The following PHIP variants were observed in gnomAD, a reference collection of about 807,000 sequenced individuals.
The protein encoded by PHIP is PH-interacting protein.
Under a neutral mutation model 236.8 loss-of-function variants are expected in PHIP, and 54 were observed. The ratio of observed to expected loss-of-function variants is 0.23; its 90% CI spans 0.18 to 0.29. PHIP has a LOEUF of 0.29. PHIP is among the 10% of genes least tolerant of loss of function. PHIP has a pLI of 1.00. For synonymous variants in PHIP, 756 were observed against 718.9 expected (o/e 1.05, Z -0.83); for missense variants, 1,370 against 2,190.8 (o/e 0.63, Z 7.48).
At chr6:79,018,940 A>G (rs1394737279) in intron 10 of PHIP, 149 bp downstream of exon 10, 4 of 555,180 alleles carry the variant, frequency 7.2e-6, no homozygotes, top group Non-Finnish European at 1.3e-5. Context: ...TTAGTTTATA[A>G]TAATTCTCAG....
chr6:79,041,263 T>A lies in PHIP; in HGVS notation c.600+1580A>T, dbSNP rs572774947. Among the ~76,000 whole-genome samples the A allele has an allele frequency of 1.6e-4, 24 of 152,260 alleles. No homozygotes were observed. In the South Asian group the frequency reaches 2.1e-3, roughly 13 times the overall value. On this transcript the variant is annotated intron_variant, in intron 7 of 39. Transcript: ENST00000275034. ...GTTTGAGACGCAGGCAGCAGCATGC[T>A]GAACCCTGGTTCAAAAAGCTCTTCC...
At chr6:79,047,021 ACGT>A (rs796228453) in intron 6 of PHIP, among the ~76,000 whole-genome samples, 42 of 152,340 alleles carry the variant, frequency 2.8e-4, no homozygotes, top group African/African-American at 9.1e-4. Flanking sequence ...TAAGGGGAGA[ACGT>A]ATTCACTTAA....
At chr6:79,018,250 T>C (rs1268257862) in intron 10 of PHIP, among the ~76,000 whole-genome samples, 1 of 151,960 alleles carries the variant, frequency 6.6e-6, no homozygotes, top group African/African-American at 2.4e-5. Context: ...TCTGGATGCA[T>C]GTATGATGCC....
intron 6 of PHIP, among the ~76,000 whole-genome samples, chr6:79,058,525 A>G (rs1055063130): frequency 6.6e-6 from 1 of 152,126 alleles, no homozygotes; most frequent in African/African-American, 2.4e-5. Context: ...CTGGGAATAA[A>G]GCATAGCATA....
chr6:79,028,829 G>C (rs1465392531), intron 7 of PHIP, among the ~76,000 whole-genome samples: 3 of 152,156 alleles, frequency 2.0e-5, no homozygotes, highest in Non-Finnish European at 4.4e-5. Flanking sequence ...TTGAATAAGA[G>C]TGTGTTTTAC....
At chr6:79,040,517 G>A (rs1186097822) in intron 7 of PHIP, among the ~76,000 whole-genome samples, 2 of 152,070 alleles carry the variant, frequency 1.3e-5, no homozygotes, top group African/African-American at 4.8e-5. Context: ...ATAACAGTAT[G>A]TTCTCTCACA....
At chr6:78,943,989 TTAAAA>T (rs1461135193) in intron 39 of PHIP, among the ~76,000 whole-genome samples, 1 of 46,822 alleles carries the variant, frequency 2.1e-5, no homozygotes, top group Non-Finnish European at 4.1e-5. Context: ...CTGTCTTTTT[TTAAAA>T]AAAAAAAAAA....
At chr6:78,959,183 A>G (rs1766607523) in intron 31 of PHIP, among the ~76,000 whole-genome samples, 1 of 152,152 alleles carries the variant, frequency 6.6e-6, no homozygotes, top group African/African-American at 2.4e-5. Context: ...GAGTTTTACA[A>G]TTTTATTTCT....
chr6:79,046,138 G>T (rs113258317), intron 6 of PHIP, among the ~76,000 whole-genome samples: 1 of 151,994 alleles, frequency 6.6e-6, no homozygotes, highest in Non-Finnish European at 1.5e-5. Context: ...GCTACTTCTC[G>T]CCTTGACCTG....
chr6:79,039,829 T>G (rs542550106), intron 7 of PHIP, among the ~76,000 whole-genome samples: 1 of 152,174 alleles, frequency 6.6e-6, no homozygotes, highest in African/African-American at 2.4e-5. Flanking sequence ...GTAAAAAACA[T>G]TAAAAGGCTA....
chr6:78,968,954 T>C (rs1767338104), intron 27 of PHIP, among the ~76,000 whole-genome samples: 1 of 152,228 alleles, frequency 6.6e-6, no homozygotes, highest in African/African-American at 2.4e-5. Flanking sequence ...CTGAGGCTTC[T>C]ACTGAATATT....
At chr6:78,941,910 GCAAT>G (rs1773521134) in intron 39 of PHIP, among the ~76,000 whole-genome samples, 1 of 152,042 alleles carries the variant, frequency 6.6e-6, no homozygotes, top group Admixed American at 6.6e-5. Context: ...AGAAAATCTG[GCAAT>G]CAAATTCTAA....
At chr6:78,971,800 C>A (rs923267098) in intron 24 of PHIP, among the ~76,000 whole-genome samples, 9 of 152,142 alleles carry the variant, frequency 5.9e-5, no homozygotes, top group African/African-American at 1.2e-4. Context: ...CACTCCCACC[C>A]GAATACTGCG....
intron 6 of PHIP, among the ~76,000 whole-genome samples, chr6:79,048,603 G>A (rs1772620855): frequency 6.6e-6 from 1 of 151,828 alleles, no homozygotes; most frequent in Non-Finnish European, 1.5e-5. Context: ...AATTAACCAT[G>A]GTTAAAAAAG....
intron 15 of PHIP, among the ~76,000 whole-genome samples, chr6:79,014,835 C>CCAAAGTATGTGGA (rs1770764006): frequency 6.6e-6 from 1 of 151,700 alleles, no homozygotes. Context: ...TCCAAAGTTT[C>CCAAAGTATGTGGA]ACTGCTAAAA....
chr6:78,941,658 G>C (rs1429493666), intron 39 of PHIP, among the ~76,000 whole-genome samples: 1 of 151,984 alleles, frequency 6.6e-6, no homozygotes, highest in East Asian at 1.9e-4. Context: ...GTTACTCTTG[G>C]TCAAAAACTT....
intron 19 of PHIP, among the ~76,000 whole-genome samples, chr6:78,992,139 T>C (rs1769300436): frequency 6.6e-6 from 1 of 151,918 alleles, no homozygotes; most frequent in Admixed American, 6.6e-5. Flanking sequence ...ATTTTTTGTA[T>C]TTTTAGTAGA....
At chr6:79,009,586 G>A (rs756334769) in intron 15 of PHIP, among the ~76,000 whole-genome samples, 6 of 152,080 alleles carry the variant, frequency 3.9e-5, no homozygotes, top group Non-Finnish European at 7.4e-5. Flanking sequence ...AAAAGACCAC[G>A]TCTTATTCTC....
chr6:79,051,687 A>C (rs1424724943), intron 6 of PHIP, among the ~76,000 whole-genome samples: 1 of 152,144 alleles, frequency 6.6e-6, no homozygotes. Context: ...GTAAGCAAAA[A>C]ATTTCATGAA....
Sources: allele counts gnomAD v4.1 joint callset (sites outside exome capture counted in the v4.1 genomes callset), GRCh38; gene constraint gnomAD v4.1.1; transcripts MANE v1.5; gene names NCBI Gene and HGNC (gene_info 2026-07-23, HGNC 2026-07-21).